The following OTOG variants were observed in gnomAD, a reference collection of about 807,000 sequenced individuals.
The protein encoded by OTOG is otogelin.
In OTOG, 296 loss-of-function variants were observed where a neutral mutation model predicts 313.8. That is an observed-to-expected ratio of 0.94 (90% confidence interval 0.86 to 1.04). The LOEUF (loss-of-function observed/expected upper bound fraction) is 1.04. Among genes scored for constraint, OTOG ranks in the 50% least tolerant of loss-of-function variants. The pLI, the probability that OTOG is intolerant of heterozygous loss-of-function variation, is 0.00. For missense variants in OTOG, 3,948 were observed against 3,840.1 expected, an observed-to-expected ratio of 1.03 and a Z score of -0.74; for synonymous variants, 1,533 against 1,554.9, an observed-to-expected ratio of 0.99 and a Z score of 0.33.
chr11:17,573,246 G>A lies in OTOG; in HGVS notation c.2249G>A (p.Arg750His), dbSNP rs112634925. 251 of 1,532,782 alleles carry A rather than the reference G, an allele frequency of 1.6e-4. 2 individuals are homozygous for A. In the African/African-American group the frequency reaches 2.6e-3, roughly 16 times the overall value. 94.9% of individuals were successfully genotyped at this position (1,532,782 alleles called of 1,614,324 possible). A position where few individuals can be genotyped will look rare whatever the true frequency, so the allele number is the denominator to read the frequency against. The change falls in exon 19 of 56, where the codon CGC becomes CAC. Residue 750 changes from arginine (R) to histidine (H), a missense_variant. Transcript: ENST00000399397. ...GCCCACTACGCCCACCTGTGCCGGC[G>A]CCATGGGCTCCCCGTTGATTTCCGC... ...TLAHYAHLCR[R>H]HGLPVDFRAR...
At chr11:17,614,026 C>G (rs4757551) in intron 39 of OTOG, among the ~76,000 whole-genome samples, 22,450 of 152,040 alleles carry the variant, frequency 0.15, 1,797 homozygotes, top group Non-Finnish European at 0.19. Flanking sequence ...TCACAAAAAC[C>G]TATGACCACA....
chr11:17,547,847 T>C, intron 1 of OTOG, 80 bp from the exon 2 acceptor site: 1 of 441,358 alleles, frequency 2.3e-6, no homozygotes, highest in South Asian at 6.9e-5. Flanking sequence ...GGGAGAGGCT[T>C]TCTAGCAGTG....
chr11:17,635,141 G>C lies in OTOG; in HGVS notation c.7647G>C (p.Leu2549=), dbSNP rs1035967221. Residue 2549 remains leucine, a synonymous_variant, in exon 46 of 56, where the codon CTG becomes CTC. Coordinates refer to ENST00000399397, the MANE Select transcript of OTOG (RefSeq NM_001292063.2). ...LVPSCRQDQI[L]ITGRLGDSCC... ...CCAGCTGCCGACAGGACCAGATCCT[G>C]ATCACGGGCCGCCTGGGGGACTCCT... 2 of 1,548,496 alleles carry C rather than the reference G, an allele frequency of 1.3e-6. No individual in the cohort carries two copies. The highest frequency in any genetic ancestry group is 1.4e-5 in the African/African-American group (1 of 72,890).
Position 17,641,075 on chromosome 11 carries a change from A to G in OTOG, c.8174A>G (p.Asp2725Gly), listed in dbSNP as rs577182038. 1.1e-4 allele frequency: 153 copies of G among 1,358,830 alleles called. No individual in the cohort carries two copies. Among genetic ancestry groups the G allele is most frequent in the Non-Finnish European group, 1.3e-4 (133 of 1,033,336 alleles). 84.2% of individuals were successfully genotyped at this position (1,358,830 alleles called of 1,614,324 possible). The change falls in exon 51 of 56, where the codon GAC (aspartate) becomes GGC (glycine). Residue 2725 changes from aspartate (D) to glycine (G), a missense_variant. By Grantham distance (94) the Asp-to-Gly change is moderately conservative. Transcript: ENST00000399397. ...YQINTTSVLCDIHCEANQEYE... is the reference protein window; with the variant it reads ...YQINTTSVLCGIHCEANQEYE... Reference sequence around the variant, plus strand: ...ATCAACACCACCTCCGTGCTCTGTGACATCCACTGTGAGGCGGTAGGGTGC... The same window carrying G: ...ATCAACACCACCTCCGTGCTCTGTGGCATCCACTGTGAGGCGGTAGGGTGC...
chr11:17,638,603 A>T (rs938038856), intron 48 of OTOG, 54 bp downstream of exon 48: 66 of 1,526,914 alleles, frequency 4.3e-5, no homozygotes, highest in Non-Finnish European at 5.5e-5. Context: ...GGCCCTGCTG[A>T]GGAGGGATTG....
chr11:17,605,856 G>C lies in OTOG; in HGVS notation c.3878-1G>C. The C allele has an allele frequency of 6.5e-7, 1 of 1,538,298 alleles. No individual in the cohort carries two copies. Among genetic ancestry groups the C allele is most frequent in the Non-Finnish European group, 8.8e-7 (1 of 1,139,062 alleles). ...GACTCTCCCCATGTGGTTCTCTGCA[G>C]ACCCAGATGTGGTGTCCCTGGAGGC... On this transcript the variant is annotated splice_acceptor_variant, in intron 32 of 55. Transcript: ENST00000399397. LOFTEE classifies it high-confidence loss of function.
At chr11:17,554,448 C>G (rs1852011366) in intron 6 of OTOG, among the ~76,000 whole-genome samples, 1 of 152,222 alleles carries the variant, frequency 6.6e-6, no homozygotes, top group Non-Finnish European at 1.5e-5. Flanking sequence ...CATGCCTAAC[C>G]TGTGTGCTAA....
chr11:17,594,243 A>C, intron 28 of OTOG, 77 bp downstream of exon 28: 2 of 1,515,486 alleles, frequency 1.3e-6, no homozygotes, highest in Non-Finnish European at 1.8e-6. Flanking sequence ...GCCCAAGGTC[A>C]GGGAAGAGGG....
intron 31 of OTOG, among the ~76,000 whole-genome samples, chr11:17,601,437 C>G (rs532737710): frequency 3.3e-4 from 50 of 151,172 alleles, no homozygotes; most frequent in African/African-American, 9.0e-4. Context: ...ACTGCTCCTT[C>G]CAGGAAGAGC....
intron 16 of OTOG, among the ~76,000 whole-genome samples, chr11:17,569,701 G>T (rs936619811): frequency 3.9e-5 from 6 of 152,330 alleles, no homozygotes; most frequent in African/African-American, 1.4e-4. Context: ...AACAACAGGG[G>T]CTCAAGGTTG....
Position 17,558,572 on chromosome 11 carries a change from C to G in OTOG, c.1031C>G (p.Pro344Arg). ...VYEQCEALLR[P>R]PFDACHAYVS... ...GAGCAGTGTGAGGCTCTACTGCGGC[C>G]CCCCTTTGACGCCTGCCACGCCTAC... Residue 344 changes from proline to arginine, a missense_variant, in exon 10 of 56, where the codon CCC (proline) becomes CGC (arginine). Pro to Arg is a moderately radical substitution (Grantham distance 103). Coordinates refer to ENST00000399397, the MANE Select transcript of OTOG (RefSeq NM_001292063.2). 1 of 1,550,520 alleles carries G rather than the reference C, an allele frequency of 6.4e-7. No homozygotes were observed. The highest frequency in any genetic ancestry group is 1.2e-5 in the South Asian group (1 of 84,068).
Position 17,610,161 on chromosome 11 carries a change from A to G in OTOG, c.4861A>G (p.Thr1621Ala), listed in dbSNP as rs1205399048. Residue 1621 changes from threonine to alanine, a missense_variant, in exon 36 of 56, where the codon ACA (threonine) becomes GCA (alanine). Coordinates refer to ENST00000399397, the MANE Select transcript of OTOG (RefSeq NM_001292063.2). ...PRFPLMTKAVTVRGHGSLPVR... is the reference protein window; with the variant it reads ...PRFPLMTKAVAVRGHGSLPVR... Reference sequence around the variant, plus strand: ...CTTCCCGCTCATGACCAAGGCTGTGACAGTCCGAGGCCATGGCTCCTTGCC... The same window carrying G: ...CTTCCCGCTCATGACCAAGGCTGTGGCAGTCCGAGGCCATGGCTCCTTGCC... The G allele has an allele frequency of 2.6e-6, 4 of 1,550,544 alleles. No individual in the cohort carries two copies. Among genetic ancestry groups the G allele is most frequent in the Admixed American group, 2.0e-5 (1 of 50,994 alleles).
chr11:17,580,251 T>A (rs1222919240), intron 23 of OTOG, among the ~76,000 whole-genome samples: 2 of 152,228 alleles, frequency 1.3e-5, no homozygotes, highest in Non-Finnish European at 2.9e-5. Context: ...TGAGGCACAA[T>A]GAGCACAGAC....
At position 17,578,392 on chromosome 11, in the gene OTOG, C is replaced by G. The variant is rs876657552; in HGVS notation, c.2625C>G (p.Gly875=). The G allele has an allele frequency of 3.6e-5, 55 of 1,528,514 alleles. 1 individual carries two copies. Among genetic ancestry groups the G allele is most frequent in the Non-Finnish European group, 4.7e-5 (54 of 1,139,758 alleles). 94.7% of individuals were successfully genotyped at this position (1,528,514 alleles called of 1,614,324 possible). The part of the protein sequence containing the change: ...SRAPAAACPA[G]QVFVNCSDLH... ...TTCCAGCTGCTGCCTGCCCAGCAGG[C>G]CAGGTCTTCGTGAACTGCAGCGACC... The change falls in exon 23 of 56, where the codon GGC becomes GGG. Residue 875 remains glycine (G), a synonymous_variant. Coordinates refer to ENST00000399397, the MANE Select transcript of OTOG (RefSeq NM_001292063.2).
At position 17,572,105 on chromosome 11, in the gene OTOG, AC is replaced by A. The variant is rs1852417395; in HGVS notation, c.1985del (p.Pro662HisfsTer55). On this transcript the variant is annotated frameshift_variant, in exon 18 of 56. Transcript: ENST00000399397. LOFTEE classifies it high-confidence loss of function. ...GTCTCCAGTGGGTGTACCTGAGAGC[AC>A]CCCACAACTTTTTGGCAATTCCTGG... ...FLSPVGVPES[T>X]PQLFGNSWKT... is the part of the protein sequence containing the mutation. The A allele has an allele frequency of 1.3e-6, 2 of 1,550,256 alleles. No homozygotes were observed.
At chr11:17,584,835 A>T (rs1364787360) in intron 23 of OTOG, among the ~76,000 whole-genome samples, 1 of 152,168 alleles carries the variant, frequency 6.6e-6, no homozygotes, top group Non-Finnish European at 1.5e-5. Context: ...CTGTCAATTG[A>T]TTTTATTTAT....
chr11:17,595,669 C>T (rs1194683968), intron 28 of OTOG, among the ~76,000 whole-genome samples: 3 of 152,194 alleles, frequency 2.0e-5, no homozygotes, highest in Non-Finnish European at 4.4e-5. Flanking sequence ...TTTGGGCTGG[C>T]TTTTGGCCAG....
In OTOG at chr11:17,629,325, G is replaced by T. The variant is rs1854059618; in HGVS notation, c.6712+9G>T. The T allele has an allele frequency of 6.5e-7, 1 of 1,542,464 alleles. No individual in the cohort carries two copies. Among genetic ancestry groups the T allele is most frequent in the South Asian group, 1.2e-5 (1 of 83,296 alleles). ...GGGCCATGGCCTGTGCGGTGAGGTG[G>T]AACCCAGCTTGCGGGGAGGGGATGC... On this transcript the variant is annotated intron_variant, in intron 40 of 55. Coordinates refer to ENST00000399397, the MANE Select transcript of OTOG (RefSeq NM_001292063.2).
intron 15 of OTOG, among the ~76,000 whole-genome samples, chr11:17,564,809 C>T (rs1392573954): frequency 6.6e-6 from 1 of 152,174 alleles, no homozygotes; most frequent in Non-Finnish European, 1.5e-5. Flanking sequence ...GACAGGCCTA[C>T]AGAGGCTTGG....
Sources: gnomAD v4.1 joint callset for allele counts (sites outside exome capture counted in the v4.1 genomes callset) on GRCh38, gnomAD v4.1.1 for gene constraint, MANE v1.5 for transcripts, NCBI Gene and HGNC (gene_info 2026-07-23, HGNC 2026-07-21) for gene names.